The following HDAC4 variants were observed in gnomAD, a reference collection of about 807,000 sequenced individuals.
HDAC4 encodes the protein histone deacetylase A.
In HDAC4, 16 loss-of-function variants were observed where a neutral mutation model predicts 135.1. The observed-to-expected ratio is 0.12, with a 90% CI of 0.08 to 0.18. HDAC4 has a LOEUF of 0.18. HDAC4 is among the 10% of genes least tolerant of loss of function. HDAC4 has a pLI of 1.00. For synonymous variants in HDAC4, 685 were observed against 653.4 expected, an observed-to-expected ratio of 1.05 and a Z score of -0.74; for missense variants, 1,143 against 1,511.8, an observed-to-expected ratio of 0.76 and a Z score of 4.05.
At chr2:239,366,377 T>C (rs889547320) in intron 1 of HDAC4, among the ~76,000 whole-genome samples, 3 of 152,278 alleles carry the variant, frequency 2.0e-5, no homozygotes, top group Non-Finnish European at 1.5e-5. Context: ...GCTTTCTCCA[T>C]GGAGGAAAAC....
chr2:239,322,537 T>C (rs892529285), intron 2 of HDAC4, among the ~76,000 whole-genome samples: 7 of 152,268 alleles, frequency 4.6e-5, no homozygotes, highest in Non-Finnish European at 1.0e-4. Flanking sequence ...TTTACCATTA[T>C]GTAGTTGTTT....
rs754962086 is a variant in HDAC4, at chr2:239,144,665, G to A, written c.783C>T (p.Ala261=). The A allele has an allele frequency of 1.6e-5, 26 of 1,614,122 alleles. No individual in the cohort carries two copies. In the East Asian group the frequency reaches 1.8e-4, roughly 11 times the overall value. Residue 261 remains alanine, a synonymous_variant, in exon 8 of 27, where the codon GCC becomes GCT. Transcript: ENST00000543185. ...GTAACAGGGGGCTGCTCCGTCTTTC[G>A]GCCACTTTCTGCTTTAGCCTGGACC... is the stretch of plus-strand genomic sequence containing the variant. ...KLRSRLKQKV[A]ERRSSPLLRR...
intron 2 of HDAC4, among the ~76,000 whole-genome samples, chr2:239,347,760 C>T (rs1308892626): frequency 6.6e-6 from 1 of 152,192 alleles, no homozygotes; most frequent in Non-Finnish European, 1.5e-5. Context: ...AATGATCTGC[C>T]CACCTCGGCC....
chr2:239,274,124 C>T (rs80298032), intron 2 of HDAC4, among the ~76,000 whole-genome samples: 5,511 of 152,244 alleles, frequency 0.036, 123 homozygotes, highest in East Asian at 0.08. Context: ...TTTTCACTTT[C>T]GTAAATGTTT....
At chr2:239,111,452 C>G (rs574669362) in intron 14 of HDAC4, 74 bp downstream of exon 14, 6 of 1,434,686 alleles carry the variant, frequency 4.2e-6, no homozygotes, top group Non-Finnish European at 9.6e-7. Context: ...AGAGCTGGGC[C>G]GGGAAGAGCC....
chr2:239,200,947 C>T lies in HDAC4; in HGVS notation c.95-10870G>A, dbSNP rs575584363. On this transcript the variant is annotated intron_variant, in intron 3 of 26. Coordinates refer to ENST00000543185, the MANE Select transcript of HDAC4 (RefSeq NM_001378414.1). The stretch of plus-strand genomic sequence containing the variant: ...GAGAACTGCAGCAGAGGAGACTGCT[C>T]GCTCGAGCAGGAGGTGGGAGAGGGC... 1.4e-3 allele frequency among the ~76,000 whole-genome samples: 212 copies of T among 152,224 alleles called. 4 individuals are homozygous for T. In the South Asian group the frequency reaches 0.043, roughly 31 times the overall value.
chr2:239,217,538 AG>A (rs759706319), intron 3 of HDAC4, among the ~76,000 whole-genome samples: 8 of 152,196 alleles, frequency 5.3e-5, no homozygotes, highest in Admixed American at 1.3e-4. Context: ...CAAAATCAGA[AG>A]GTTGGAGAAA....
intron 1 of HDAC4, among the ~76,000 whole-genome samples, chr2:239,362,412 A>T (rs1412424186): frequency 6.6e-6 from 1 of 152,204 alleles, no homozygotes; most frequent in African/African-American, 2.4e-5. Context: ...ATAAGCCATA[A>T]ACCTTCCAAA....
intron 22 of HDAC4, among the ~76,000 whole-genome samples, chr2:239,069,604 G>GAGCAT (rs2033940307): frequency 4.0e-5 from 3 of 75,140 alleles, no homozygotes; most frequent in African/African-American, 4.4e-5. Context: ...GTGAGAGTGA[G>GAGCAT]TCACAGTGCA....
intron 1 of HDAC4, among the ~76,000 whole-genome samples, chr2:239,394,602 A>G (rs746413134): frequency 2.0e-5 from 3 of 152,212 alleles, no homozygotes; most frequent in Non-Finnish European, 2.9e-5. Flanking sequence ...CATTTATGAC[A>G]TCTCCTTAGG....
At chr2:239,269,632 C>T (rs1007003428) in intron 2 of HDAC4, among the ~76,000 whole-genome samples, 1 of 152,202 alleles carries the variant, frequency 6.6e-6, no homozygotes, top group Non-Finnish European at 1.5e-5. Flanking sequence ...CTGGCCACTG[C>T]GAGCCCGTGC....
chr2:239,106,510 T>G (rs2038146998), intron 15 of HDAC4, among the ~76,000 whole-genome samples: 1 of 152,064 alleles, frequency 6.6e-6, no homozygotes, highest in African/African-American at 2.4e-5. Context: ...TGCCCTCCAG[T>G]GGCACAGCCG....
chr2:239,398,749 G>A lies in HDAC4; in HGVS notation c.-220+2229C>T, dbSNP rs1575814393. On this transcript the variant is annotated intron_variant, in intron 1 of 26. Coordinates refer to ENST00000543185, the MANE Select transcript of HDAC4 (RefSeq NM_001378414.1). ...ATTCTCTCTGGTGCAGGGCTCCGAG[G>A]CCACATCTGTCCTTCGTCCCTAGGC... Among the ~76,000 whole-genome samples, 6 of 152,358 alleles carry A rather than the reference G, an allele frequency of 3.9e-5. 1 individual carries two copies. Among genetic ancestry groups the A allele is most frequent in the Admixed American group, 3.9e-4 (6 of 15,306 alleles).
chr2:239,048,699 T>TAG lies in HDAC4; in HGVS notation c.*4396_*4397dup, dbSNP rs1259696505. On this transcript the variant is annotated 3_prime_UTR_variant, in exon 27 of 27. Transcript: ENST00000543185. Reference sequence around the variant, plus strand: ...ACTGTTCGCTTTCTTTTTCTTTCAATAGCAGACTTTTAATCAATGCCAGAG... The same window carrying TAG: ...ACTGTTCGCTTTCTTTTTCTTTCAATAGAGCAGACTTTTAATCAATGCCAGAG... The TAG allele has an allele frequency of 1.3e-5, 2 of 152,230 alleles. No individual in the cohort carries two copies. The highest frequency in any genetic ancestry group is 2.9e-5 in the Non-Finnish European group (2 of 68,044). The allele number at this position is 152,230 out of a possible 1,614,324, so 9.4% of individuals were successfully genotyped here.
chr2:239,370,925 C>T (rs1460711454), intron 1 of HDAC4, among the ~76,000 whole-genome samples: 3 of 152,220 alleles, frequency 2.0e-5, no homozygotes, highest in East Asian at 1.9e-4. Context: ...GTTGGATAGT[C>T]GATGACAGCT....
rs1428670886 is a variant in HDAC4 at position 239,309,952 on chromosome 2, C to A, written c.22+42726G>T. Among the ~76,000 whole-genome samples the A allele has an allele frequency of 6.6e-6, 1 of 152,202 alleles. No individual in the cohort carries two copies. The highest frequency in any genetic ancestry group is 1.5e-5 in the Non-Finnish European group (1 of 68,034). ...GGGAGGGTGGCCAGGGTGGCCCGAG[C>A]CAGCATCAGGCACAAGGCCCAAGGA... is the stretch of plus-strand genomic sequence containing the variant. On this transcript the variant is annotated intron_variant, in intron 2 of 26. Transcript: ENST00000543185. This position sits in a 1 kb window ranked among gnomAD's most constrained non-coding sequence, Gnocchi z 4.2.
At position 239,230,605 on chromosome 2, in the gene HDAC4, G is replaced by A. The variant is rs141257626; in HGVS notation, c.94+5988C>T. Among the ~76,000 whole-genome samples the A allele has an allele frequency of 2.7e-3, 416 of 152,262 alleles. 1 individual carries two copies. Among genetic ancestry groups the A allele is most frequent in the African/African-American group, 9.5e-3 (393 of 41,546 alleles). On this transcript the variant is annotated intron_variant, in intron 3 of 26. Transcript: ENST00000543185. ...CCTGCCACTCCTGCCCAGTCCTTCC[G>A]TGGGGGCCACTCGAGGAACCACCAG...
rs1035116815 is a variant in HDAC4, at chr2:239,352,508, G to A, written c.22+170C>T. Among the ~76,000 whole-genome samples, 1 of 152,176 alleles carries A rather than the reference G, an allele frequency of 6.6e-6. No individual in the cohort carries two copies. Among genetic ancestry groups the A allele is most frequent in the African/African-American group, 2.4e-5 (1 of 41,438 alleles). ...TTTTATCATTCTTCTTTCACCAAGA[G>A]GAAGAATAAACCATCCATTTTGCAC... On this transcript the variant is annotated intron_variant, in intron 2 of 26. Transcript: ENST00000543185. The surrounding 1 kb of genome is among the most constrained non-coding windows in gnomAD (Gnocchi z 4.4).
At chr2:239,126,996 G>C (rs1368819838) in intron 11 of HDAC4, among the ~76,000 whole-genome samples, 1 of 152,132 alleles carries the variant, frequency 6.6e-6, no homozygotes, top group Non-Finnish European at 1.5e-5. Context: ...CCCTTCCCCA[G>C]AGTGGCTACC....
Sources: gnomAD v4.1 joint callset for allele counts (sites outside exome capture counted in the v4.1 genomes callset) on GRCh38, gnomAD v4.1.1 for gene constraint, Gnocchi (gnomAD v3.1) non-coding constraint, MANE v1.5 for transcripts, NCBI Gene and HGNC (gene_info 2026-07-23, HGNC 2026-07-21) for gene names.